F13A1: variants seen among roughly 807,000 people sequenced by gnomAD.
F13A1 encodes the protein coagulation factor XIII A chain, also known as FSF, A subunit.
Under a neutral mutation model 80.1 loss-of-function variants are expected in F13A1, and 47 were observed. The ratio of observed to expected loss-of-function variants is 0.59; its 90% CI spans 0.46 to 0.75. F13A1 has a LOEUF of 0.75. F13A1 is among the 30% of genes least tolerant of loss of function. The pLI is 0.00. For missense variants in F13A1, 817 were observed against 930.4 expected (o/e 0.88, Z 1.59); for synonymous variants, 349 against 344.9 (o/e 1.01, Z -0.13).
intron 3 of F13A1, among the ~76,000 whole-genome samples, chr6:6,299,704 G>A (rs1347105864): frequency 7.0e-5 from 10 of 143,884 alleles, no homozygotes; most frequent in Middle Eastern, 6.9e-3. Context: ...ATGTCCTCCC[G>A]TAGCTCAGAG....
chr6:6,181,528 T>C (rs1459452932), intron 11 of F13A1, among the ~76,000 whole-genome samples: 3 of 152,224 alleles, frequency 2.0e-5, no homozygotes, highest in Non-Finnish European at 4.4e-5. Flanking sequence ...CCTATTAATA[T>C]TGTATTATCT....
At chr6:6,265,318 A>G (rs930541295) in intron 4 of F13A1, among the ~76,000 whole-genome samples, 1 of 152,178 alleles carries the variant, frequency 6.6e-6, no homozygotes, top group Admixed American at 6.5e-5. Flanking sequence ...GTAGGGTGCC[A>G]TGGGAAGTCT....
chr6:6,287,518 G>A (rs1031053406), intron 3 of F13A1, among the ~76,000 whole-genome samples: 1 of 152,190 alleles, frequency 6.6e-6, no homozygotes, highest in Non-Finnish European at 1.5e-5. Flanking sequence ...AGGCAGTCAG[G>A]GAGGAAGCGT....
In F13A1 at chr6:6,226,392, ATTTGTGTGCACATTC is replaced by A. The variant is rs547399313; in HGVS notation, c.799-1547_799-1533del. On this transcript the variant is annotated intron_variant, in intron 6 of 14. Coordinates refer to ENST00000264870, the MANE Select transcript of F13A1 (RefSeq NM_000129.4). ...TGCATTTTAACAAGATCACTGGGTG[ATTTGTGTGCACATTC>A]GTTTAGAAGCACAGGTCTGAGTTAT... is the stretch of plus-strand genomic sequence containing the variant. Among the ~76,000 whole-genome samples the A allele has an allele frequency of 6.8e-4, 104 of 152,346 alleles. 3 individuals carry two copies. In the South Asian group the frequency reaches 0.02, roughly 29 times the overall value.
intron 6 of F13A1, among the ~76,000 whole-genome samples, chr6:6,226,676 GTCTT>G (rs370340739): frequency 1.3e-5 from 2 of 152,230 alleles, no homozygotes; most frequent in African/African-American, 2.4e-5. Flanking sequence ...AAAAATCTCC[GTCTT>G]TCTGAGTTTT....
intron 13 of F13A1, among the ~76,000 whole-genome samples, chr6:6,153,544 C>T (rs1583044865): frequency 6.6e-6 from 1 of 152,322 alleles, no homozygotes; most frequent in Non-Finnish European, 1.5e-5. Context: ...ACTCCCTAAA[C>T]TTTGTTACAT....
In F13A1 at chr6:6,305,390, C is replaced by A. The variant is rs1203791516; in HGVS notation, c.280G>T (p.Asp94Tyr). The A allele has an allele frequency of 1.9e-6, 3 of 1,614,078 alleles. No homozygotes were observed. Among genetic ancestry groups the A allele is most frequent in the Admixed American group, 3.3e-5 (2 of 60,000 alleles). Residue 94 changes from aspartate to tyrosine, a missense_variant, in exon 3 of 15, where the codon GAC (aspartate) becomes TAC (tyrosine). Coordinates refer to ENST00000264870, the MANE Select transcript of F13A1 (RefSeq NM_000129.4). ...YVQIDFSRPY[D>Y]PRRDLFRVEY... ...ACCCTGAAGAGATCCCTTCTGGGGT[C>A]ATATGGACGACTGAAGTCAATCTGC... is the stretch of plus-strand genomic sequence containing the variant.
At chr6:6,233,451 A>C (rs1757377185) in intron 6 of F13A1, among the ~76,000 whole-genome samples, 1 of 152,284 alleles carries the variant, frequency 6.6e-6, no homozygotes, top group South Asian at 2.1e-4. Context: ...TTGAAATGGT[A>C]ATTAAAAACT....
Position 6,197,835 on chromosome 6 carries a change from C to A in F13A1, c.1113-509G>T, listed in dbSNP as rs3024432. On this transcript the variant is annotated intron_variant, in intron 8 of 14. Transcript: ENST00000264870. Reference sequence around the variant, plus strand: ...TCATTGGCATCCCTCAGGACACTCACATGGCTGGATGTCTCTTTCCCTCTG... The same window carrying A: ...TCATTGGCATCCCTCAGGACACTCAAATGGCTGGATGTCTCTTTCCCTCTG... Among the ~76,000 whole-genome samples, 475 of 152,278 alleles carry A rather than the reference C, an allele frequency of 3.1e-3. 3 individuals are homozygous for A. Among genetic ancestry groups the A allele is most frequent in the African/African-American group, 9.1e-3 (380 of 41,562 alleles).
At chr6:6,148,297 T>G (rs957173867) in intron 14 of F13A1, among the ~76,000 whole-genome samples, 1 of 151,660 alleles carries the variant, frequency 6.6e-6, no homozygotes, top group Admixed American at 6.6e-5. Context: ...CAGAGTAGAG[T>G]TGGCTCACTG....
chr6:6,278,331 TG>T (rs1056518723), intron 3 of F13A1, among the ~76,000 whole-genome samples: 2 of 152,068 alleles, frequency 1.3e-5, no homozygotes, highest in African/African-American at 4.8e-5. Flanking sequence ...GGGTCAGAGC[TG>T]GGGGTGCTAT....
chr6:6,184,909 G>A (rs923572240), intron 10 of F13A1, among the ~76,000 whole-genome samples: 14 of 152,126 alleles, frequency 9.2e-5, no homozygotes, highest in African/African-American at 3.4e-4. Flanking sequence ...CTTTCCAAGC[G>A]ACATTAGCAA....
intron 8 of F13A1, among the ~76,000 whole-genome samples, chr6:6,200,357 A>T (rs370687585): frequency 1.1e-4 from 17 of 152,088 alleles, no homozygotes; most frequent in African/African-American, 4.1e-4. Flanking sequence ...GCTTGAGCCC[A>T]GGAGTTTGAG....
At chr6:6,200,021 G>C (rs1312728418) in intron 8 of F13A1, among the ~76,000 whole-genome samples, 1 of 152,192 alleles carries the variant, frequency 6.6e-6, no homozygotes, top group Non-Finnish European at 1.5e-5. Flanking sequence ...AAAAGGAAGA[G>C]AAGAAAGTCT....
chr6:6,271,395 A>C (rs1757918785), intron 3 of F13A1, among the ~76,000 whole-genome samples: 1 of 152,152 alleles, frequency 6.6e-6, no homozygotes, highest in South Asian at 2.1e-4. Flanking sequence ...AAACCCATCC[A>C]TCAACATCCA....
rs1231130046 is a variant in F13A1, at chr6:6,250,128, A to T, written c.690+683T>A. On this transcript the variant is annotated intron_variant, in intron 5 of 14. Transcript: ENST00000264870. The surrounding 1 kb of genome is among the most constrained non-coding windows in gnomAD (Gnocchi z 4.2). ...CCAGCCAAAACTCCTGAGAAATGACATTCGCCCCCGCTTGTGTCGCTAATT... is the reference window on the plus strand; with the variant it reads ...CCAGCCAAAACTCCTGAGAAATGACTTTCGCCCCCGCTTGTGTCGCTAATT... 6.6e-6 allele frequency among the ~76,000 whole-genome samples: 1 copy of T among 152,166 alleles called. No individual in the cohort carries two copies. The highest frequency in any genetic ancestry group is 1.5e-5 in the Non-Finnish European group (1 of 68,034).
Position 6,167,473 on chromosome 6 carries a change from A to G in F13A1, c.1893T>C (p.Pro631=), listed in dbSNP as rs199801179. 2.5e-6 allele frequency: 4 copies of G among 1,612,910 alleles called. No individual in the cohort carries two copies. In the East Asian group the frequency reaches 8.9e-5, roughly 36 times the overall value. ...TAAGACTGACCTTGATGATGATCTC[A>G]GGGATGGTTAGCACGGTGGACTTTT... ...AKQKSTVLTI[P]EIIIKVRGTQ... is the part of the protein sequence containing the mutation. Residue 631 remains proline, a synonymous_variant, in exon 13 of 15, where the codon CCT becomes CCC. Transcript: ENST00000264870.
intron 12 of F13A1, among the ~76,000 whole-genome samples, chr6:6,172,451 G>T (rs377766002): frequency 1.4e-5 from 2 of 147,998 alleles, no homozygotes; most frequent in South Asian, 2.1e-4. Context: ...ACACTATAGT[G>T]TTTTTTTTTT....
rs1349804845 is a variant in F13A1 at position 6,182,103 on chromosome 6, A to G, written c.1344T>C (p.Asp448=). Residue 448 remains aspartate (D), a synonymous_variant, in exon 11 of 15, where the codon GAT becomes GAC. Transcript: ENST00000264870. ...CCACATTTTCCACCACATGAGTGCC[A>G]TCTTTCTTAGCTGTAATGTAAATGA... ...SDLIYITAKK[D]GTHVVENVDA... 6.2e-7 allele frequency: 1 copy of G among 1,614,156 alleles called. No homozygotes were observed. The highest frequency in any genetic ancestry group is 8.5e-7 in the Non-Finnish European group (1 of 1,180,010).
Sources: gnomAD v4.1 joint callset for allele counts (sites outside exome capture counted in the v4.1 genomes callset) on GRCh38, gnomAD v4.1.1 for gene constraint, Gnocchi (gnomAD v3.1) non-coding constraint, MANE v1.5 for transcripts, NCBI Gene and HGNC (gene_info 2026-07-23, HGNC 2026-07-21) for gene names.